TAMALIN: variants seen among roughly 807,000 people sequenced by gnomAD.
The protein encoded by TAMALIN is trafficking regulator and scaffold protein tamalin.
Under a neutral mutation model 38.5 loss-of-function variants are expected in TAMALIN, and 9 were observed. The ratio of observed to expected loss-of-function variants is 0.23; its 90% CI spans 0.14 to 0.41. The LOEUF (loss-of-function observed/expected upper bound fraction) is 0.41. Among genes scored for constraint, TAMALIN ranks in the 10% least tolerant of loss-of-function variants. TAMALIN has a pLI of 1.00. For missense variants in TAMALIN, 548 were observed against 554.1 expected, an observed-to-expected ratio of 0.99 and a Z score of 0.11; for synonymous variants, 306 against 256.5, an observed-to-expected ratio of 1.19 and a Z score of -1.85.
At chr12:52,008,739 G>A in intron 1 of TAMALIN, 6 of 985,434 alleles carry the variant, frequency 6.1e-6, no homozygotes, top group Non-Finnish European at 4.8e-6. Context: ...ACTGGCAGAA[G>A]GTCCTCGGAG....
chr12:52,009,174 C>T lies in TAMALIN; in HGVS notation c.247-16C>T. 1 of 1,613,838 alleles carries T rather than the reference C, an allele frequency of 6.2e-7. No homozygotes were observed. Among genetic ancestry groups the T allele is most frequent in the Non-Finnish European group, 8.5e-7 (1 of 1,179,754 alleles). ...GTCCCGCCTTACCTGCTCCTTCTGA[C>T]CATCTTACTGCCCAGGGCTCAGGAT... On this transcript the variant is annotated splice_polypyrimidine_tract_variant and intron_variant, in intron 1 of 7. Coordinates refer to ENST00000293662, the MANE Select transcript of TAMALIN (RefSeq NM_181711.4).
rs1942432326 is a variant in TAMALIN at position 52,007,478 on chromosome 12, C to T, written c.246+213C>T. 2.5e-5 allele frequency: 25 copies of T among 984,786 alleles called. No individual in the cohort carries two copies. The highest frequency in any genetic ancestry group is 2.7e-5 in the Non-Finnish European group (22 of 829,652). 61.0% of individuals were successfully genotyped at this position (984,786 alleles called of 1,614,324 possible). ...GCCCAGGCTCGGTGGCTCTTAACTC[C>T]GCGCCCCATGCACGCCCCCTCTCTC... is the stretch of plus-strand genomic sequence containing the variant. On this transcript the variant is annotated intron_variant, in intron 1 of 7. Transcript: ENST00000293662. The surrounding 1 kb of genome is among the most constrained non-coding windows in gnomAD (Gnocchi z 6.7).
In TAMALIN at chr12:52,015,332, G is replaced by C. The variant is rs533524051; in HGVS notation, c.*133G>C. The C allele has an allele frequency of 8.8e-7, 1 of 1,141,536 alleles. No homozygotes were observed. The highest frequency in any genetic ancestry group is 1.7e-5 in the African/African-American group (1 of 60,512). 70.7% of individuals were successfully genotyped at this position (1,141,536 alleles called of 1,614,324 possible). On this transcript the variant is annotated 3_prime_UTR_variant, in exon 8 of 8. Transcript: ENST00000293662. ...GGGTCCTTCCTAGCCTCGGCCCGCC[G>C]GGTCGGTTCCTGGCTGGTGTCTGCT...
chr12:52,014,894 C>A lies in TAMALIN; in HGVS notation c.883C>A (p.Pro295Thr). Reference sequence around the variant, plus strand: ...CACGTGCTTCTTCGGGGACTCCGAGCCGCCGGCGCTGCCGCCCCCGCCGCC... The same window carrying A: ...CACGTGCTTCTTCGGGGACTCCGAGACGCCGGCGCTGCCGCCCCCGCCGCC... ...YHTCFFGDSE[P>T]PALPPPPPPA... The change falls in exon 8 of 8, where the codon CCG (proline) becomes ACG (threonine). Residue 295 changes from proline (P) to threonine (T), a missense_variant. Physicochemically the swap from Pro to Thr is conservative, Grantham distance 38. Transcript: ENST00000293662. 8.2e-7 allele frequency: 1 copy of A among 1,214,728 alleles called. No individual in the cohort carries two copies. Among genetic ancestry groups the A allele is most frequent in the South Asian group, 2.1e-5 (1 of 48,246 alleles). The allele number at this position is 1,214,728 out of a possible 1,614,324, so 75.2% of individuals were successfully genotyped here.
rs770116946 is a variant in TAMALIN, at chr12:52,013,927, G to A, written c.599G>A (p.Arg200His). 1.2e-6 allele frequency: 2 copies of A among 1,614,044 alleles called. No individual in the cohort carries two copies. Among genetic ancestry groups the A allele is most frequent in the Non-Finnish European group, 1.7e-6 (2 of 1,179,968 alleles). ...TSIRKAELEA[R>H]LQYLKQTLYE... ...ATTCGGAAGGCAGAACTGGAGGCTC[G>A]TCTGCAGTACCTGAAGGTAGGGGAA... The change falls in exon 6 of 8, where the codon CGT becomes CAT. Residue 200 changes from arginine (R) to histidine (H), a missense_variant. Coordinates refer to ENST00000293662, the MANE Select transcript of TAMALIN (RefSeq NM_181711.4).
At chr12:52,008,070 A>G in intron 1 of TAMALIN, 1 of 985,372 alleles carries the variant, frequency 1.0e-6, no homozygotes, top group Non-Finnish European at 1.2e-6. Flanking sequence ...CCACACAATG[A>G]ACAGCTTGTT....
chr12:52,014,837 G>T lies in TAMALIN; in HGVS notation c.826G>T (p.Ala276Ser), dbSNP rs1408615778. The T allele has an allele frequency of 1.6e-6, 2 of 1,287,816 alleles. No homozygotes were observed. The highest frequency in any genetic ancestry group is 2.0e-6 in the Non-Finnish European group (2 of 1,017,592). The allele number at this position is 1,287,816 out of a possible 1,614,324, so 79.8% of individuals were successfully genotyped here. Residue 276 changes from alanine (A) to serine (S), a missense_variant, in exon 8 of 8, where the codon GCC becomes TCC. Ala to Ser is a moderately conservative substitution (Grantham distance 99). This residue lies in a region of TAMALIN where 415 missense variants were observed against 417.0 expected (regional missense o/e 1.00). Transcript: ENST00000293662. ...GCGTCCCCGCGGAGGCGCCCGACGGGCCAGGGGCGACGCCGACGACGCCGT... is the reference window on the plus strand; with the variant it reads ...GCGTCCCCGCGGAGGCGCCCGACGGTCCAGGGGCGACGCCGACGACGCCGT... ...PGRPRGGARR[A>S]RGDADDAVYH...
chr12:52,007,453 G>C lies in TAMALIN; in HGVS notation c.246+188G>C, dbSNP rs1942431797. On this transcript the variant is annotated intron_variant, in intron 1 of 7. Transcript: ENST00000293662. This position sits in a 1 kb window ranked among gnomAD's most constrained non-coding sequence, Gnocchi z 6.7. ...GCCGTGGCCCTCGCCTGCACACCGC[G>C]CCCAGGCTCGGTGGCTCTTAACTCC... 3.0e-6 allele frequency: 3 copies of C among 984,978 alleles called. No homozygotes were observed. In the African/African-American group the frequency reaches 5.3e-5, roughly 17 times the overall value. The allele number at this position is 984,978 out of a possible 1,614,324, so 61.0% of individuals were successfully genotyped here. A position where few individuals can be genotyped will look rare whatever the true frequency, so the allele number is the denominator to read the frequency against.
At chr12:52,009,494 G>T (rs1365482206) in intron 2 of TAMALIN, among the ~76,000 whole-genome samples, 1 of 152,220 alleles carries the variant, frequency 6.6e-6, no homozygotes, top group African/African-American at 2.4e-5. Context: ...CCTCCCTGGG[G>T]AGATCTGGAT....
Position 52,007,109 on chromosome 12 carries a change from C to G in TAMALIN, c.90C>G (p.Val30=), listed in dbSNP as rs1321240927. Residue 30 remains valine, a synonymous_variant, in exon 1 of 8, where the codon GTC becomes GTG. Coordinates refer to ENST00000293662, the MANE Select transcript of TAMALIN (RefSeq NM_181711.4). The surrounding 1 kb of genome is among the most constrained non-coding windows in gnomAD (Gnocchi z 6.7). ...DPAARTPDSE[V]APAAPVPTPG... is the part of the protein sequence containing the mutation. ...CCGCCCGGACTCCCGACTCGGAAGT[C>G]GCGCCCGCCGCTCCGGTCCCGACCC... The G allele has an allele frequency of 6.7e-7, 1 of 1,481,952 alleles. No individual in the cohort carries two copies. Among genetic ancestry groups the G allele is most frequent in the Admixed American group, 2.4e-5 (1 of 42,320 alleles). The allele number at this position is 1,481,952 out of a possible 1,614,324, so 91.8% of individuals were successfully genotyped here. A position where few individuals can be genotyped will look rare whatever the true frequency, so the allele number is the denominator to read the frequency against.
chr12:52,008,362 C>T, intron 1 of TAMALIN: 1 of 985,352 alleles, frequency 1.0e-6, no homozygotes, highest in Non-Finnish European at 1.2e-6. Context: ...TTTAGTTTAT[C>T]AAGGACCCTG....
At chr12:52,013,376 C>A (rs563272990) in intron 4 of TAMALIN, 2 of 311,398 alleles carry the variant, frequency 6.4e-6, no homozygotes, top group Admixed American at 8.0e-5. Flanking sequence ...CGCGCCCGGC[C>A]GGACAGAACT....
rs754773547 is a variant in TAMALIN, at chr12:52,007,160, C to A, written c.141C>A (p.Thr47=). The change falls in exon 1 of 8, where the codon ACC becomes ACA. Residue 47 remains threonine (T), a synonymous_variant. Transcript: ENST00000293662. The surrounding 1 kb of genome is among the most constrained non-coding windows in gnomAD (Gnocchi z 6.7). ...CGGGACCCCCTGCCGCAGCCGCCAC[C>A]CCTGGGCCCCCAGCGGACGAGCTGT... The part of the protein sequence containing the change: ...PTPGPPAAAA[T]PGPPADELYA... 4 of 1,496,624 alleles carry A rather than the reference C, an allele frequency of 2.7e-6. No individual in the cohort carries two copies. The highest frequency in any genetic ancestry group is 3.5e-6 in the Non-Finnish European group (4 of 1,132,320). 92.7% of individuals were successfully genotyped at this position (1,496,624 alleles called of 1,614,324 possible).
rs1298466972 is a variant in TAMALIN, at chr12:52,011,853, C to A, written c.454+712C>A. ...CCTGAAACTGTATGAATCAATCCCCCCTCCACCATCTTTGCCCCTAAGCCC... is the reference window on the plus strand; with the variant it reads ...CCTGAAACTGTATGAATCAATCCCCACTCCACCATCTTTGCCCCTAAGCCC... On this transcript the variant is annotated intron_variant, in intron 4 of 7. Coordinates refer to ENST00000293662, the MANE Select transcript of TAMALIN (RefSeq NM_181711.4). The surrounding 1 kb of genome is among the most constrained non-coding windows in gnomAD (Gnocchi z 5.3). Among the ~76,000 whole-genome samples, 2 of 152,214 alleles carry A rather than the reference C, an allele frequency of 1.3e-5. No individual in the cohort carries two copies. Among genetic ancestry groups the A allele is most frequent in the Admixed American group, 1.3e-4 (2 of 15,274 alleles).
In TAMALIN at chr12:52,007,179, G is replaced by A. The variant is rs756602569; in HGVS notation, c.160G>A (p.Glu54Lys). 6.6e-7 allele frequency: 1 copy of A among 1,510,668 alleles called. No individual in the cohort carries two copies. The highest frequency in any genetic ancestry group is 2.8e-5 in the East Asian group (1 of 35,464). The allele number at this position is 1,510,668 out of a possible 1,614,324, so 93.6% of individuals were successfully genotyped here. A position where few individuals can be genotyped will look rare whatever the true frequency, so the allele number is the denominator to read the frequency against. ...CGCCACCCCTGGGCCCCCAGCGGAC[G>A]AGCTGTACGCGGCGCTGGAGGACTA... is the stretch of plus-strand genomic sequence containing the variant. ...AAATPGPPAD[E>K]LYAALEDYHP... Residue 54 changes from glutamate to lysine, a missense_variant, in exon 1 of 8, where the codon GAG becomes AAG. Around this residue, in one of 3 missense-constraint regions of TAMALIN, gnomAD observed 128 missense variants for 117.9 expected, o/e 1.09. Transcript: ENST00000293662. This position sits in a 1 kb window ranked among gnomAD's most constrained non-coding sequence, Gnocchi z 6.7.
intron 1 of TAMALIN, chr12:52,008,012 C>T: frequency 3.0e-6 from 3 of 985,480 alleles, no homozygotes; most frequent in Non-Finnish European, 3.6e-6. Context: ...GGCCTGGTGG[C>T]CTTTCCTCAC....
At chr12:52,010,537 G>A (rs1025309270) in intron 2 of TAMALIN, 12 of 1,138,746 alleles carry the variant, frequency 1.1e-5, no homozygotes, top group Middle Eastern at 4.0e-4. Flanking sequence ...CCAGGCTGTG[G>A]CTGAATTTCG....
chr12:52,013,998 C>T, intron 6 of TAMALIN, 55 bp downstream of exon 6: 2 of 1,586,192 alleles, frequency 1.3e-6, no homozygotes, highest in Non-Finnish European at 1.7e-6. Flanking sequence ...AAGCCTCTGC[C>T]CTGTGGGGGG....
At position 52,011,972 on chromosome 12, in the gene TAMALIN, G is replaced by A. The variant is rs931301277; in HGVS notation, c.454+831G>A. 3.3e-5 allele frequency among the ~76,000 whole-genome samples: 5 copies of A among 151,920 alleles called. No individual in the cohort carries two copies. The highest frequency in any genetic ancestry group is 1.2e-4 in the African/African-American group (5 of 41,346). On this transcript the variant is annotated intron_variant, in intron 4 of 7. Coordinates refer to ENST00000293662, the MANE Select transcript of TAMALIN (RefSeq NM_181711.4). This position sits in a 1 kb window ranked among gnomAD's most constrained non-coding sequence, Gnocchi z 5.3. ...ATACCTGATACTGGGTAATTATAAA[G>A]AAAAGAGGTTTATTTAGCTCATGGT... is the stretch of plus-strand genomic sequence containing the variant.
Sources: gnomAD v4.1 joint callset for allele counts (sites outside exome capture counted in the v4.1 genomes callset) on GRCh38, gnomAD v4.1.1 for gene constraint, gnomAD v4.1.1 regional missense constraint, Gnocchi (gnomAD v3.1) non-coding constraint, MANE v1.5 for transcripts, NCBI Gene and HGNC (gene_info 2026-07-23, HGNC 2026-07-21) for gene names.